DOCK7: variants seen among roughly 807,000 people sequenced by gnomAD.
DOCK7 encodes dedicator of cytokinesis 7.
DOCK7 carries 138 observed loss-of-function variants against 271.0 expected under a neutral mutation model. That is an observed-to-expected ratio of 0.51 (90% CI 0.44 to 0.59). The LOEUF (loss-of-function observed/expected upper bound fraction) is 0.59. Among genes scored for constraint, DOCK7 ranks in the 20% least tolerant of loss-of-function variants. DOCK7 has a pLI of 0.00. For missense variants in DOCK7, 2,066 were observed against 2,592.4 expected (o/e 0.80, Z 4.41); for synonymous variants, 823 against 876.1 (o/e 0.94, Z 1.07).
intron 14 of DOCK7, among the ~76,000 whole-genome samples, chr1:62,588,835 G>A (rs566069913): frequency 5.3e-5 from 8 of 152,034 alleles, no homozygotes; most frequent in Non-Finnish European, 1.2e-4. Context: ...TGAACTCCTG[G>A]CCTAAAATGA....
intron 1 of DOCK7, among the ~76,000 whole-genome samples, chr1:62,675,739 C>A (rs1053653873): frequency 2.6e-5 from 4 of 151,552 alleles, no homozygotes; most frequent in African/African-American, 7.3e-5. Flanking sequence ...GAGCCGAGAT[C>A]GCGCCACTGT....
intron 7 of DOCK7, among the ~76,000 whole-genome samples, chr1:62,646,342 AAG>A (rs1004011651): frequency 1.3e-5 from 2 of 152,162 alleles, no homozygotes; most frequent in African/African-American, 4.8e-5. Flanking sequence ...TGCTGAGGAA[AAG>A]AGAGAACAGG....
At chr1:62,605,468 A>G (rs1650850587) in intron 14 of DOCK7, 1 of 152,820 alleles carries the variant, frequency 6.5e-6, no homozygotes, top group African/African-American at 2.4e-5. Flanking sequence ...GATGACTACT[A>G]AGTCACATTG....
At chr1:62,564,385 A>G (rs938236838) in intron 18 of DOCK7, among the ~76,000 whole-genome samples, 1 of 152,152 alleles carries the variant, frequency 6.6e-6, no homozygotes, top group Non-Finnish European at 1.5e-5. Flanking sequence ...AGTGCAATCA[A>G]ATTAGAACTC....
At chr1:62,594,958 G>A (rs572185241) in intron 14 of DOCK7, among the ~76,000 whole-genome samples, 12 of 152,222 alleles carry the variant, frequency 7.9e-5, no homozygotes, top group Middle Eastern at 3.4e-3. Context: ...AATTACAACT[G>A]TAACTTTTCT....
At chr1:62,576,670 T>C (rs573307128) in intron 18 of DOCK7, among the ~76,000 whole-genome samples, 29 of 152,304 alleles carry the variant, frequency 1.9e-4, no homozygotes, top group South Asian at 1.4e-3. Flanking sequence ...CTGACAACCA[T>C]TGTGTTTCTC....
intron 48 of DOCK7, among the ~76,000 whole-genome samples, chr1:62,469,856 A>C (rs1390245684): frequency 6.6e-6 from 1 of 151,980 alleles, no homozygotes; most frequent in Non-Finnish European, 1.5e-5. Context: ...CAAAACCACA[A>C]TGCAATACCT....
intron 31 of DOCK7, among the ~76,000 whole-genome samples, chr1:62,521,925 G>A (rs1338717459): frequency 2.6e-5 from 4 of 152,066 alleles, no homozygotes; most frequent in East Asian, 3.9e-4. Flanking sequence ...GCAGTGGGCC[G>A]AGATCATGCC....
intron 14 of DOCK7, among the ~76,000 whole-genome samples, chr1:62,598,285 T>C (rs1422741022): frequency 6.6e-6 from 1 of 152,026 alleles, no homozygotes; most frequent in Non-Finnish European, 1.5e-5. Flanking sequence ...GCATTTTATA[T>C]GAAAATTACA....
intron 7 of DOCK7, among the ~76,000 whole-genome samples, chr1:62,644,781 T>C (rs1656441128): frequency 6.6e-6 from 1 of 152,234 alleles, no homozygotes; most frequent in African/African-American, 2.4e-5. Context: ...TGACTGTTTC[T>C]GAACTTCTGT....
chr1:62,471,496 T>C (rs1285453931), intron 48 of DOCK7, among the ~76,000 whole-genome samples: 3 of 152,136 alleles, frequency 2.0e-5, no homozygotes, highest in Non-Finnish European at 2.9e-5. Context: ...ACTTCATCTC[T>C]ACCAAAAACA....
At chr1:62,592,859 A>C (rs1648665759) in intron 14 of DOCK7, among the ~76,000 whole-genome samples, 1 of 152,216 alleles carries the variant, frequency 6.6e-6, no homozygotes, top group Non-Finnish European at 1.5e-5. Flanking sequence ...TGACAAAAGC[A>C]ATCGTAAGTT....
At chr1:62,581,133 G>C (rs1188177282) in intron 16 of DOCK7, among the ~76,000 whole-genome samples, 1 of 152,152 alleles carries the variant, frequency 6.6e-6, no homozygotes, top group Admixed American at 6.5e-5. Context: ...TTCAAAAACA[G>C]AGCTGAACAG....
At chr1:62,622,545 C>T (rs1449059801) in intron 12 of DOCK7, among the ~76,000 whole-genome samples, 1 of 152,122 alleles carries the variant, frequency 6.6e-6, no homozygotes, top group African/African-American at 2.4e-5. Flanking sequence ...CCTCAACCTC[C>T]TGGGCTCAAG....
In DOCK7 at chr1:62,473,985, T is replaced by G; in HGVS notation, c.6209A>C (p.Lys2070Thr). Residue 2070 changes from lysine (K) to threonine (T), a missense_variant, in exon 48 of 50, where the codon AAA (lysine) becomes ACA (threonine). Around this residue, in one of 2 missense-constraint regions of DOCK7, gnomAD observed 652 missense variants for 922.1 expected, o/e 0.71. Transcript: ENST00000635253. ...KLRLCFKDFTKRCEDALRKNK... is the reference protein window; with the variant it reads ...KLRLCFKDFTTRCEDALRKNK... ...TTACGCAGAAAGCCTTGAATACCTT[T>G]TAGTAAAATCTTTAAAGCAGAGTCG... 6.2e-7 allele frequency: 1 copy of G among 1,613,250 alleles called. No individual in the cohort carries two copies. Among genetic ancestry groups the G allele is most frequent in the Non-Finnish European group, 8.5e-7 (1 of 1,179,338 alleles).
At chr1:62,667,448 G>A (rs1159600898) in intron 1 of DOCK7, among the ~76,000 whole-genome samples, 2 of 152,210 alleles carry the variant, frequency 1.3e-5, no homozygotes, top group Non-Finnish European at 2.9e-5. Flanking sequence ...CACTGCAGTA[G>A]TGTAACTATC....
chr1:62,631,454 A>C (rs750814056), intron 10 of DOCK7, 49 bp from the exon 11 acceptor site: 7 of 1,459,472 alleles, frequency 4.8e-6, no homozygotes, highest in Non-Finnish European at 9.2e-7. Flanking sequence ...GAAAGAAATC[A>C]GTTAAAGGCT....
rs145086916 is a variant in DOCK7, at chr1:62,604,159, G to C, written c.1682+14547C>G. ...CTGGCAATGTCCCCAATGCAATCCC[G>C]GAAAACAAAGATTTGGTGTTTTCTA... is the stretch of plus-strand genomic sequence containing the variant. On this transcript the variant is annotated intron_variant, in intron 14 of 49. Transcript: ENST00000635253. The C allele has an allele frequency of 1.2e-6, 2 of 1,613,092 alleles. No individual in the cohort carries two copies. Among genetic ancestry groups the C allele is most frequent in the Non-Finnish European group, 1.7e-6 (2 of 1,179,394 alleles).
Position 62,604,866 on chromosome 1 carries a change from AGTTAATGTG to A in DOCK7, c.1682+13831_1682+13839del, listed in dbSNP as rs34483103. ...TAATTTAAACATTAACCTCATTCCA[AGTTAATGTG>A]GTCTAATAATCTGGTATTAAATCCT... is the stretch of plus-strand genomic sequence containing the variant. On this transcript the variant is annotated intron_variant, in intron 14 of 49. Transcript: ENST00000635253. 535,812 of 1,562,448 alleles carry A rather than the reference AGTTAATGTG, an allele frequency of 0.34. 94,146 individuals carry two copies. The highest frequency in any genetic ancestry group is 0.43 in the South Asian group (38,869 of 89,534).
Sources: gnomAD v4.1 joint callset for allele counts (sites outside exome capture counted in the v4.1 genomes callset) on GRCh38, gnomAD v4.1.1 for gene constraint, gnomAD v4.1.1 regional missense constraint, MANE v1.5 for transcripts, NCBI Gene and HGNC (gene_info 2026-07-23, HGNC 2026-07-21) for gene names.